The following RBFOX1 variants were observed in gnomAD, a reference collection of about 807,000 sequenced individuals.
RBFOX1 encodes RNA binding fox-1 homolog 1, also known as RNA binding protein fox-1 homolog 1.
A neutral mutation model predicts 57.7 loss-of-function variants in RBFOX1; 8 were observed. The observed-to-expected ratio is 0.14, with a 90% CI of 0.08 to 0.25. The LOEUF is 0.25. RBFOX1 is among the 10% of genes least tolerant of loss of function. RBFOX1 has a pLI of 1.00. For synonymous variants in RBFOX1, 326 were observed against 222.4 expected, an observed-to-expected ratio of 1.47 and a Z score of -4.15; for missense variants, 611 against 548.5, an observed-to-expected ratio of 1.11 and a Z score of -1.14.
chr16:5,939,783 AT>A (rs2059243559), intron 4 of RBFOX1, among the ~76,000 whole-genome samples: 1 of 152,176 alleles, frequency 6.6e-6, no homozygotes, highest in Non-Finnish European at 1.5e-5. Flanking sequence ...GATAATTGAA[AT>A]GTTTAAGGAG....
chr16:7,676,658 C>T (rs2073363186), intron 13 of RBFOX1, 116 bp from the exon 14 acceptor site: 4 of 890,426 alleles, frequency 4.5e-6, no homozygotes, highest in Non-Finnish European at 7.4e-6. Flanking sequence ...CTTTCATTAA[C>T]CTCAACTTTA....
At chr16:7,208,949 G>T (rs1010092895) in intron 4 of RBFOX1, among the ~76,000 whole-genome samples, 14 of 151,850 alleles carry the variant, frequency 9.2e-5, no homozygotes, top group Non-Finnish European at 2.1e-4. Flanking sequence ...CTATTCATGA[G>T]GGACCCATCT....
chr16:5,358,847 C>A (rs753281655), intron 1 of RBFOX1, among the ~76,000 whole-genome samples: 1 of 152,070 alleles, frequency 6.6e-6, no homozygotes, highest in South Asian at 2.1e-4. Context: ...AAAAAAAGTG[C>A]AATTCAGTCA....
chr16:5,769,602 G>C (rs1316646956), intron 3 of RBFOX1, among the ~76,000 whole-genome samples: 1 of 152,016 alleles, frequency 6.6e-6, no homozygotes, highest in African/African-American at 2.4e-5. Context: ...GCGGTGAGCC[G>C]AGATCATGCC....
At chr16:5,372,918 C>A (rs12932645) in intron 1 of RBFOX1, among the ~76,000 whole-genome samples, 21,268 of 152,282 alleles carry the variant, frequency 0.14, 2,037 homozygotes, top group Non-Finnish European at 0.2. Context: ...TTCTCTTGGT[C>A]TTCTGAAGAC....
intron 5 of RBFOX1, among the ~76,000 whole-genome samples, chr16:7,547,710 A>G (rs2084991809): frequency 6.6e-6 from 1 of 152,192 alleles, no homozygotes; most frequent in South Asian, 2.1e-4. Context: ...TTAAGTTTGC[A>G]ACTCAGGCAC....
intron 1 of RBFOX1, among the ~76,000 whole-genome samples, chr16:6,151,073 C>T (rs771812480): frequency 2.0e-5 from 3 of 152,092 alleles, no homozygotes; most frequent in Non-Finnish European, 2.9e-5. Context: ...AACGTCAGGT[C>T]TGAAGGGCAG....
intron 14 of RBFOX1, among the ~76,000 whole-genome samples, chr16:7,699,499 T>TTTTG (rs2079945605): frequency 6.6e-6 from 1 of 152,200 alleles, no homozygotes; most frequent in South Asian, 2.1e-4. Flanking sequence ...AGCCAACGTT[T>TTTTG]TTTGTTTCAA....
At chr16:7,489,639 C>G (rs1268516746) in intron 4 of RBFOX1, among the ~76,000 whole-genome samples, 1 of 151,994 alleles carries the variant, frequency 6.6e-6, no homozygotes, top group Non-Finnish European at 1.5e-5. Context: ...CGTCAGTCTC[C>G]CGAGTAGCTG....
At chr16:6,731,769 T>G (rs968618348) in intron 3 of RBFOX1, among the ~76,000 whole-genome samples, 2 of 152,160 alleles carry the variant, frequency 1.3e-5, no homozygotes, top group African/African-American at 4.8e-5. Flanking sequence ...TTCTTCCCTG[T>G]GCTAATTTCT....
chr16:5,585,658 G>A (rs1368030145), intron 2 of RBFOX1, among the ~76,000 whole-genome samples: 2 of 152,216 alleles, frequency 1.3e-5, no homozygotes, highest in African/African-American at 2.4e-5. Flanking sequence ...ACCCTACCAC[G>A]TTATGGGGTG....
In RBFOX1 at chr16:6,594,453, A is replaced by G. The variant is rs546013169; in HGVS notation, c.-63-60150A>G. The stretch of plus-strand genomic sequence containing the variant: ...CAGGTGGTGGGGGGGTCTGTGGCAA[A>G]CTCGGCAATAAATGCCCCAGGTGAA... On this transcript the variant is annotated intron_variant, in intron 2 of 15. Coordinates refer to ENST00000550418, the MANE Select transcript of RBFOX1 (RefSeq NM_018723.4). Among the ~76,000 whole-genome samples the G allele has an allele frequency of 6.6e-5, 10 of 152,270 alleles. No homozygotes were observed. The East Asian group carries it at 1.9e-3, about 29-fold the overall frequency.
chr16:5,821,423 C>G (rs192490354), intron 3 of RBFOX1, among the ~76,000 whole-genome samples: 1,572 of 151,660 alleles, frequency 0.01, 15 homozygotes, highest in Non-Finnish European at 0.016. Flanking sequence ...CTGCCTCAGC[C>G]TCCCAAGTAG....
At chr16:5,402,796 C>T (rs1281185065) in intron 1 of RBFOX1, among the ~76,000 whole-genome samples, 1 of 152,142 alleles carries the variant, frequency 6.6e-6, no homozygotes, top group African/African-American at 2.4e-5. Flanking sequence ...TCCTCTGTTT[C>T]CTCTTCCCTC....
intron 3 of RBFOX1, among the ~76,000 whole-genome samples, chr16:6,862,094 C>T (rs2142677080): frequency 6.6e-6 from 1 of 152,176 alleles, no homozygotes; most frequent in East Asian, 1.9e-4. Flanking sequence ...TGTCATTGGG[C>T]TGTGAGGGAT....
chr16:6,862,672 G>C (rs1249747114), intron 3 of RBFOX1, among the ~76,000 whole-genome samples: 3 of 152,120 alleles, frequency 2.0e-5, no homozygotes, highest in East Asian at 1.9e-4. Context: ...CAGAGCTGGA[G>C]GTAGAATTGG....
chr16:7,127,342 C>G (rs1224314353), intron 4 of RBFOX1, among the ~76,000 whole-genome samples: 1 of 152,164 alleles, frequency 6.6e-6, no homozygotes, highest in South Asian at 2.1e-4. Flanking sequence ...AAGTAACAAT[C>G]TCAGGTCTGG....
rs144131202 is a variant in RBFOX1 at position 6,946,121 on chromosome 16, G to C, written c.-15-105936G>C. 2.0e-5 allele frequency among the ~76,000 whole-genome samples: 3 copies of C among 152,304 alleles called. No individual in the cohort carries two copies. The East Asian group carries it at 5.8e-4, about 29-fold the overall frequency. ...CAGGATTTGCTTTATAAATAACCCA[G>C]TTTTCCTTGCTTCTCAAGTGGGATA... On this transcript the variant is annotated intron_variant, in intron 3 of 15. Transcript: ENST00000550418.
chr16:6,946,772 A>G (rs1267870962), intron 3 of RBFOX1, among the ~76,000 whole-genome samples: 1 of 152,000 alleles, frequency 6.6e-6, no homozygotes, highest in Non-Finnish European at 1.5e-5. Flanking sequence ...CCAACTAATT[A>G]TTTTTAAAAT....
Sources: gnomAD v4.1 joint callset for allele counts (sites outside exome capture counted in the v4.1 genomes callset) on GRCh38, gnomAD v4.1.1 for gene constraint, MANE v1.5 for transcripts, NCBI Gene and HGNC (gene_info 2026-07-23, HGNC 2026-07-21) for gene names.